The following NECAB1 variants were observed in gnomAD, a reference collection of about 807,000 sequenced individuals.
NECAB1 encodes the protein N-terminal EF-hand calcium-binding protein 1.
NECAB1 carries 29 observed loss-of-function variants against 57.5 expected under a neutral mutation model. The observed-to-expected ratio is 0.50, with a 90% CI of 0.38 to 0.69. The LOEUF is 0.69. Ranked by LOEUF, NECAB1 falls within the 30% of genes least tolerant of loss-of-function variation. The pLI is 0.00. For synonymous variants in NECAB1, 142 were observed against 147.7 expected, an observed-to-expected ratio of 0.96 and a Z score of 0.28; for missense variants, 372 against 413.8, an observed-to-expected ratio of 0.90 and a Z score of 0.88.
chr8:90,899,307 G>C (rs1809440874), intron 5 of NECAB1, among the ~76,000 whole-genome samples: 1 of 152,174 alleles, frequency 6.6e-6, no homozygotes, highest in Non-Finnish European at 1.5e-5. Flanking sequence ...GACTGCCATA[G>C]TGTATACCAG....
chr8:90,839,859 C>A (rs936982501), intron 3 of NECAB1, among the ~76,000 whole-genome samples: 1 of 152,120 alleles, frequency 6.6e-6, no homozygotes, highest in African/African-American at 2.4e-5. Flanking sequence ...GGGTCTTAAA[C>A]CTGGGAGTGA....
At chr8:90,932,336 G>A (rs891583719) in intron 8 of NECAB1, among the ~76,000 whole-genome samples, 6 of 152,178 alleles carry the variant, frequency 3.9e-5, no homozygotes, top group African/African-American at 7.2e-5. Context: ...AGTACCTACT[G>A]TGTGTCAGGT....
At chr8:90,793,779 C>T (rs1418291965) in intron 1 of NECAB1, among the ~76,000 whole-genome samples, 1 of 152,206 alleles carries the variant, frequency 6.6e-6, no homozygotes, top group Non-Finnish European at 1.5e-5. Context: ...AAGCACTTAA[C>T]AAACCCCGGT....
In NECAB1 at chr8:90,925,626, A is replaced by C; in HGVS notation, c.586A>C (p.Asn196His). 6.2e-7 allele frequency: 1 copy of C among 1,613,824 alleles called. No homozygotes were observed. Among genetic ancestry groups the C allele is most frequent in the East Asian group, 2.2e-5 (1 of 44,842 alleles). The change falls in exon 7 of 13, where the codon AAC becomes CAC. Residue 196 changes from asparagine to histidine, a missense_variant. By Grantham distance (68) the Asn-to-His change is moderately conservative. Transcript: ENST00000417640. ...CCAGAGACACAACAGCTTCTCCCCA[A>C]ACAGCCCTCAGTTTAATGTCAGCGG... is the stretch of plus-strand genomic sequence containing the variant. ...RVQRHNSFSP[N>H]SPQFNVSGPG...
chr8:90,932,783 A>C (rs1048271389), intron 8 of NECAB1, among the ~76,000 whole-genome samples: 3 of 152,182 alleles, frequency 2.0e-5, no homozygotes, highest in African/African-American at 7.2e-5. Flanking sequence ...ATTTATTTGA[A>C]GGAGTTATTC....
intron 3 of NECAB1, among the ~76,000 whole-genome samples, chr8:90,839,817 T>G (rs1812427256): frequency 6.6e-6 from 1 of 152,134 alleles, no homozygotes; most frequent in African/African-American, 2.4e-5. Context: ...GTAATCAAAT[T>G]TCTATCCTGA....
chr8:90,855,213 C>T (rs1034569102), intron 3 of NECAB1, among the ~76,000 whole-genome samples: 1 of 152,162 alleles, frequency 6.6e-6, no homozygotes, highest in African/African-American at 2.4e-5. Flanking sequence ...TTCCTGATTC[C>T]TTATATCCTG....
chr8:90,934,445 A>G (rs1810483354), intron 9 of NECAB1, 88 bp downstream of exon 9: 1 of 908,196 alleles, frequency 1.1e-6, no homozygotes, highest in African/African-American at 1.7e-5. Flanking sequence ...TCTCAATGAA[A>G]AATTGAAAAA....
At chr8:90,917,440 TG>T in intron 5 of NECAB1, 51 bp from the exon 6 acceptor site, 1 of 1,507,832 alleles carries the variant, frequency 6.6e-7, no homozygotes, top group Non-Finnish European at 8.9e-7. Context: ...AAAAAAATCC[TG>T]GGTATTTTTT....
At chr8:90,870,953 A>C (rs76410165) in intron 3 of NECAB1, among the ~76,000 whole-genome samples, 431 of 152,144 alleles carry the variant, frequency 2.8e-3, no homozygotes, top group Non-Finnish European at 3.7e-3. Context: ...TGAAGATATA[A>C]TTTATCTAAG....
chr8:90,881,862 C>T (rs532264070), intron 5 of NECAB1, among the ~76,000 whole-genome samples: 11 of 152,152 alleles, frequency 7.2e-5, no homozygotes, highest in Non-Finnish European at 1.6e-4. Flanking sequence ...GATGAGATGA[C>T]ACCTGAACAC....
intron 3 of NECAB1, among the ~76,000 whole-genome samples, chr8:90,840,598 C>T (rs1812438055): frequency 6.6e-6 from 1 of 152,152 alleles, no homozygotes. Flanking sequence ...TTAAGTGGAG[C>T]TAATAATATT....
At chr8:90,813,886 G>C (rs933101001) in intron 2 of NECAB1, among the ~76,000 whole-genome samples, 10 of 152,082 alleles carry the variant, frequency 6.6e-5, no homozygotes, top group African/African-American at 2.4e-4. Flanking sequence ...CCAAAACCAA[G>C]TTTCCCTTGT....
chr8:90,911,698 A>G (rs778641815), intron 5 of NECAB1, among the ~76,000 whole-genome samples: 15 of 152,206 alleles, frequency 9.9e-5, no homozygotes, highest in Middle Eastern at 3.2e-3. Flanking sequence ...AGAGCCTGCT[A>G]TGTGCCAAAC....
At chr8:90,826,141 C>T (rs1812221114) in intron 3 of NECAB1, among the ~76,000 whole-genome samples, 1 of 151,712 alleles carries the variant, frequency 6.6e-6, no homozygotes, top group Non-Finnish European at 1.5e-5. Flanking sequence ...ATATTCTAAT[C>T]AGAGGGAGAA....
intron 3 of NECAB1, among the ~76,000 whole-genome samples, chr8:90,842,033 G>A (rs1255930554): frequency 6.6e-6 from 1 of 152,178 alleles, no homozygotes; most frequent in East Asian, 1.9e-4. Flanking sequence ...TGGGCCTGTG[G>A]GAGGGTGAGG....
intron 3 of NECAB1, among the ~76,000 whole-genome samples, chr8:90,827,204 C>T (rs1812239499): frequency 6.6e-6 from 1 of 152,014 alleles, no homozygotes; most frequent in African/African-American, 2.4e-5. Flanking sequence ...CACTCACCTT[C>T]TAAGAAGATA....
rs562851821 is a variant in NECAB1, at chr8:90,842,152, TAACA to T, written c.233+17331_233+17334del. On this transcript the variant is annotated intron_variant, in intron 3 of 12. Coordinates refer to ENST00000417640, the MANE Select transcript of NECAB1 (RefSeq NM_022351.5). ...CCACCATGGCACACATTTACATATA[TAACA>T]AACCTGTATATCCTGCACATGTACC... Among the ~76,000 whole-genome samples the T allele has an allele frequency of 1.6e-3, 238 of 152,210 alleles. 1 individual carries two copies. Among genetic ancestry groups the T allele is most frequent in the African/African-American group, 5.5e-3 (229 of 41,542 alleles).
chr8:90,918,618 AT>A (rs534360841), intron 6 of NECAB1, among the ~76,000 whole-genome samples: 178 of 152,292 alleles, frequency 1.2e-3, no homozygotes, highest in African/African-American at 3.3e-3. Context: ...AAATCAAGAG[AT>A]CAGTGAAAAA....
Sources: allele counts gnomAD v4.1 joint callset (sites outside exome capture counted in the v4.1 genomes callset), GRCh38; gene constraint gnomAD v4.1.1; transcripts MANE v1.5; gene names NCBI Gene and HGNC (gene_info 2026-07-23, HGNC 2026-07-21).